Variants in RXFP1 observed in about 807,000 individuals in gnomAD.
The protein encoded by RXFP1 is relaxin receptor 1.
In RXFP1, 73 loss-of-function variants were observed where a neutral mutation model predicts 89.8. The ratio of observed to expected loss-of-function variants is 0.81; its 90% confidence interval spans 0.67 to 0.99. The LOEUF (loss-of-function observed/expected upper bound fraction) is 0.99. RXFP1 is among the 50% of genes least tolerant of loss of function. The pLI, the probability that RXFP1 is intolerant of heterozygous loss-of-function variation, is 0.00. For missense variants in RXFP1, 793 were observed against 895.5 expected, an observed-to-expected ratio of 0.89 and a Z score of 1.46; for synonymous variants, 277 against 305.5, an observed-to-expected ratio of 0.91 and a Z score of 0.97.
At chr4:158,626,397 A>G (rs1242463342) in intron 9 of RXFP1, among the ~76,000 whole-genome samples, 1 of 152,162 alleles carries the variant, frequency 6.6e-6, no homozygotes, top group Non-Finnish European at 1.5e-5. Context: ...TGCAACAATA[A>G]TAGAATCTGA....
At chr4:158,647,241 C>G in intron 16 of RXFP1, 40 bp downstream of exon 16, 1 of 1,463,048 alleles carries the variant, frequency 6.8e-7, no homozygotes, top group Non-Finnish European at 9.2e-7. Flanking sequence ...ATTTTTATTT[C>G]AAATCTTCCA....
intron 14 of RXFP1, among the ~76,000 whole-genome samples, chr4:158,639,870 A>G (rs1580277404): frequency 6.6e-6 from 1 of 152,100 alleles, no homozygotes; most frequent in African/African-American, 2.4e-5. Flanking sequence ...AAAAAGAAAA[A>G]AAAAGAAAAG....
chr4:158,641,456 C>A (rs950261268), intron 14 of RXFP1, among the ~76,000 whole-genome samples: 1 of 152,240 alleles, frequency 6.6e-6, no homozygotes, highest in Middle Eastern at 3.4e-3. Flanking sequence ...GAGTGCTGGG[C>A]AGCCAAAGCG....
intron 1 of RXFP1, among the ~76,000 whole-genome samples, chr4:158,549,301 T>A (rs1055980796): frequency 6.6e-6 from 1 of 152,250 alleles, no homozygotes; most frequent in Admixed American, 6.5e-5. Context: ...TTCAGCTCAA[T>A]CAGCTCCTTT....
chr4:158,622,085 T>C (rs28869308), intron 9 of RXFP1, among the ~76,000 whole-genome samples: 45,781 of 152,064 alleles, frequency 0.3, 12,495 homozygotes, highest in African/African-American at 0.73. Flanking sequence ...CAGAGGTGGG[T>C]GGATCACTTG....
intron 9 of RXFP1, among the ~76,000 whole-genome samples, chr4:158,621,647 G>A (rs545783052): frequency 3.1e-4 from 47 of 152,150 alleles, no homozygotes; most frequent in African/African-American, 6.5e-4. Flanking sequence ...CTATGGAATC[G>A]TGTAATAATA....
In RXFP1 at chr4:158,549,863, G is replaced by C. The variant is rs182560417; in HGVS notation, c.50-22835G>C. Among the ~76,000 whole-genome samples, 8 of 152,032 alleles carry C rather than the reference G, an allele frequency of 5.3e-5. No individual in the cohort carries two copies. In the South Asian group the frequency reaches 6.2e-4, roughly 12 times the overall value. On this transcript the variant is annotated intron_variant, in intron 1 of 17. Coordinates refer to ENST00000307765, the MANE Select transcript of RXFP1 (RefSeq NM_021634.4). ...TGTGAGGTGTCAGTCTGCCCCTACT[G>C]GGGGGGTGCCTCCCAGTTAGGCTGC...
intron 1 of RXFP1, among the ~76,000 whole-genome samples, chr4:158,568,054 A>G (rs2149977049): frequency 6.6e-6 from 1 of 152,312 alleles, no homozygotes; most frequent in East Asian, 1.9e-4. Flanking sequence ...ACTGGGAGGA[A>G]TGAACAACTC....
chr4:158,647,972 G>A (rs1340206159), intron 16 of RXFP1, among the ~76,000 whole-genome samples: 2 of 149,568 alleles, frequency 1.3e-5, no homozygotes, highest in Non-Finnish European at 3.0e-5. Flanking sequence ...GCAAGATAGT[G>A]CCACTGCACT....
intron 2 of RXFP1, among the ~76,000 whole-genome samples, chr4:158,573,578 G>A (rs146988432): frequency 6.6e-6 from 1 of 152,136 alleles, no homozygotes; most frequent in Non-Finnish European, 1.5e-5. Flanking sequence ...TTCCAATGTG[G>A]TCCAGGGAAG....
rs186402760 is a variant in RXFP1, at chr4:158,605,647, G to C, written c.464+508G>C. 2.0e-5 allele frequency among the ~76,000 whole-genome samples: 3 copies of C among 152,196 alleles called. No individual in the cohort carries two copies. The South Asian group carries it at 6.2e-4, about 32-fold the overall frequency. On this transcript the variant is annotated intron_variant, in intron 5 of 17. Transcript: ENST00000307765. The stretch of plus-strand genomic sequence containing the variant: ...TTTTCACATCTGCCTTGTGAGTTGC[G>C]TTTTATTTTGGCCTTGAGTAGTATC...
At chr4:158,603,548 C>A (rs913765829) in intron 4 of RXFP1, among the ~76,000 whole-genome samples, 7 of 151,652 alleles carry the variant, frequency 4.6e-5, no homozygotes, top group Admixed American at 4.6e-4. Context: ...CCCAGGGAGA[C>A]TTTTTAGACT....
intron 14 of RXFP1, among the ~76,000 whole-genome samples, chr4:158,644,663 A>T (rs1365073281): frequency 6.6e-6 from 1 of 152,206 alleles, no homozygotes; most frequent in Admixed American, 6.5e-5. Context: ...ATTCTAAGAC[A>T]TGTCTAACAC....
chr4:158,559,310 A>C (rs1048541770), intron 1 of RXFP1, among the ~76,000 whole-genome samples: 1 of 152,196 alleles, frequency 6.6e-6, no homozygotes, highest in Admixed American at 6.5e-5. Flanking sequence ...TCTCCAAAAA[A>C]ATAAAAATAA....
chr4:158,646,649 A>G, intron 15 of RXFP1, 142 bp from the exon 16 acceptor site: 11 of 1,436,558 alleles, frequency 7.7e-6, no homozygotes, highest in Non-Finnish European at 1.0e-5. Context: ...CTGTAAATGA[A>G]TTATTAGGAG....
At chr4:158,618,361 G>A (rs1227127582) in intron 9 of RXFP1, among the ~76,000 whole-genome samples, 1 of 151,806 alleles carries the variant, frequency 6.6e-6, no homozygotes, top group Non-Finnish European at 1.5e-5. Flanking sequence ...CCTTGCCTTT[G>A]TTTACAAAAA....
chr4:158,588,434 A>G (rs980530278), intron 2 of RXFP1, among the ~76,000 whole-genome samples: 7 of 152,148 alleles, frequency 4.6e-5, no homozygotes, highest in African/African-American at 1.7e-4. Context: ...GGTGTAAACA[A>G]AGTTGACATC....
chr4:158,575,361 A>G (rs1267987936), intron 2 of RXFP1, among the ~76,000 whole-genome samples: 3 of 152,196 alleles, frequency 2.0e-5, no homozygotes, highest in African/African-American at 7.2e-5. Context: ...TAAAACAGGA[A>G]TAATAAGAGT....
chr4:158,545,803 A>G (rs1427412115), intron 1 of RXFP1, among the ~76,000 whole-genome samples: 1 of 151,950 alleles, frequency 6.6e-6, no homozygotes, highest in Non-Finnish European at 1.5e-5. Flanking sequence ...TGTTCCATTG[A>G]TCTATATCTC....
Sources: allele counts gnomAD v4.1 joint callset (sites outside exome capture counted in the v4.1 genomes callset), GRCh38; gene constraint gnomAD v4.1.1; transcripts MANE v1.5; gene names NCBI Gene and HGNC (gene_info 2026-07-23, HGNC 2026-07-21).